The following DGKB variants were observed in gnomAD, a reference collection of about 807,000 sequenced individuals.
DGKB encodes the protein 90 kDa diacylglycerol kinase.
In DGKB, 67 loss-of-function variants were observed where a neutral mutation model predicts 114.3. The ratio of observed to expected loss-of-function variants is 0.59; its 90% CI spans 0.48 to 0.72. The LOEUF is 0.72. Ranked by LOEUF, DGKB falls within the 30% of genes least tolerant of loss-of-function variation. DGKB has a pLI of 0.00. For missense variants in DGKB, 907 were observed against 975.2 expected, an observed-to-expected ratio of 0.93 and a Z score of 0.93; for synonymous variants, 398 against 323.1, an observed-to-expected ratio of 1.23 and a Z score of -2.49.
intron 13 of DGKB, among the ~76,000 whole-genome samples, chr7:14,656,173 G>A (rs1417372071): frequency 6.6e-6 from 1 of 151,450 alleles, no homozygotes; most frequent in East Asian, 1.9e-4. Flanking sequence ...GGTAACTATA[G>A]ATAAAGTGAA....
intron 21 of DGKB, among the ~76,000 whole-genome samples, chr7:14,410,067 C>T (rs1824616751): frequency 1.3e-5 from 2 of 151,732 alleles, no homozygotes; most frequent in African/African-American, 2.4e-5. Context: ...AGTTGGTATC[C>T]CTAACTCTTG....
intron 1 of DGKB, among the ~76,000 whole-genome samples, chr7:14,968,587 G>C (rs1324398600): frequency 6.6e-6 from 1 of 152,098 alleles, no homozygotes; most frequent in African/African-American, 2.4e-5. Context: ...CTCAGACTTT[G>C]AAGGAACCTG....
intron 23 of DGKB, among the ~76,000 whole-genome samples, chr7:14,337,795 T>C (rs1415389184): frequency 6.6e-6 from 1 of 152,112 alleles, no homozygotes; most frequent in Non-Finnish European, 1.5e-5. Flanking sequence ...TAGAATTACA[T>C]ACATAAACTA....
intron 20 of DGKB, among the ~76,000 whole-genome samples, chr7:14,514,280 G>A (rs1045554921): frequency 6.6e-6 from 1 of 151,988 alleles, no homozygotes; most frequent in Non-Finnish European, 1.5e-5. Context: ...TGAATAGACT[G>A]CTGTCTTCAA....
chr7:14,920,322 TA>T (rs1784451808), intron 1 of DGKB, among the ~76,000 whole-genome samples: 1 of 152,068 alleles, frequency 6.6e-6, no homozygotes. Flanking sequence ...GGAAACAATT[TA>T]AAAATGGGAA....
chr7:14,740,556 G>A (rs1467821033), intron 4 of DGKB, among the ~76,000 whole-genome samples: 1 of 152,154 alleles, frequency 6.6e-6, no homozygotes, highest in East Asian at 1.9e-4. Flanking sequence ...CAAGCTTTGG[G>A]TTGAAGCCCT....
chr7:14,421,884 A>G (rs1207769407), intron 21 of DGKB, among the ~76,000 whole-genome samples: 1 of 152,030 alleles, frequency 6.6e-6, no homozygotes, highest in Non-Finnish European at 1.5e-5. Flanking sequence ...GTATCTATTT[A>G]AGTGCCAATA....
intron 1 of DGKB, among the ~76,000 whole-genome samples, chr7:14,879,267 C>G (rs945914178): frequency 6.6e-6 from 1 of 151,804 alleles, no homozygotes; most frequent in Non-Finnish European, 1.5e-5. Flanking sequence ...CCTGATTTGT[C>G]TATGTTAGGG....
intron 13 of DGKB, among the ~76,000 whole-genome samples, chr7:14,632,185 A>C (rs1198678248): frequency 2.0e-5 from 3 of 152,024 alleles, no homozygotes; most frequent in Admixed American, 6.6e-5. Flanking sequence ...TAAAAGCAAC[A>C]GAAGGCATTT....
chr7:14,268,134 A>G (rs1797774384), intron 23 of DGKB, among the ~76,000 whole-genome samples: 1 of 152,056 alleles, frequency 6.6e-6, no homozygotes, highest in Non-Finnish European at 1.5e-5. Flanking sequence ...TCTAACCACT[A>G]TATAGAACTA....
At chr7:14,616,079 T>C (rs1005778445) in intron 15 of DGKB, among the ~76,000 whole-genome samples, 5 of 150,776 alleles carry the variant, frequency 3.3e-5, no homozygotes, top group African/African-American at 1.2e-4. Context: ...GCAATGACTC[T>C]CAATTAACTT....
chr7:14,591,540 T>G (rs10156103), intron 17 of DGKB, among the ~76,000 whole-genome samples: 78,097 of 151,338 alleles, frequency 0.52, 20,565 homozygotes, highest in African/African-American at 0.62. Flanking sequence ...TGTCAGACAC[T>G]TCTTTTTTTA....
At chr7:14,477,148 A>G (rs750147196) in intron 21 of DGKB, among the ~76,000 whole-genome samples, 1 of 152,220 alleles carries the variant, frequency 6.6e-6, no homozygotes, top group Non-Finnish European at 1.5e-5. Context: ...TGCAATTTTA[A>G]TATTTAGAAA....
In DGKB at chr7:14,926,291, ATTTTC is replaced by A. The variant is rs1784747855; in HGVS notation, c.-188+48400_-188+48404del. ...GTCAGACAACCACACCATTTGATTC[ATTTTC>A]ATATTGGCATCTGTTGACTTTCTTT... On this transcript the variant is annotated intron_variant, in intron 1 of 4. Coordinates refer to the DGKB transcript ENST00000437998. 4.6e-5 allele frequency among the ~76,000 whole-genome samples: 7 copies of A among 151,840 alleles called. No homozygotes were observed. In the South Asian group the frequency reaches 1.5e-3, roughly 32 times the overall value.
At chr7:14,274,306 T>C (rs1323742518) in intron 23 of DGKB, among the ~76,000 whole-genome samples, 1 of 152,122 alleles carries the variant, frequency 6.6e-6, no homozygotes, top group East Asian at 1.9e-4. Context: ...TTTTATTTTA[T>C]TTTTTCTCTC....
At chr7:14,769,617 T>C (rs1837113817) in intron 2 of DGKB, among the ~76,000 whole-genome samples, 1 of 152,082 alleles carries the variant, frequency 6.6e-6, no homozygotes, top group Non-Finnish European at 1.5e-5. Flanking sequence ...CTATAAAAAG[T>C]TACCACAAAC....
intron 14 of DGKB, among the ~76,000 whole-genome samples, chr7:14,626,655 T>C (rs532683549): frequency 6.6e-6 from 1 of 152,302 alleles, no homozygotes; most frequent in South Asian, 2.1e-4. Flanking sequence ...AACATTTTAA[T>C]GGTTGAAGGA....
chr7:14,444,225 C>T (rs1217127183), intron 21 of DGKB, among the ~76,000 whole-genome samples: 2 of 151,766 alleles, frequency 1.3e-5, no homozygotes, highest in Admixed American at 1.3e-4. Flanking sequence ...TATTTTCCTT[C>T]CCTAAAAATT....
intron 6 of DGKB, among the ~76,000 whole-genome samples, chr7:14,704,440 T>G (rs1585815580): frequency 9.2e-6 from 1 of 108,866 alleles, no homozygotes; most frequent in Admixed American, 1.1e-4. Flanking sequence ...AGAGCGAGAC[T>G]CCATCTCAAA....
Sources: gnomAD v4.1 joint callset for allele counts (sites outside exome capture counted in the v4.1 genomes callset) on GRCh38, gnomAD v4.1.1 for gene constraint, MANE v1.5 for transcripts, NCBI Gene and HGNC (gene_info 2026-07-23, HGNC 2026-07-21) for gene names.